ZNF610: variants seen among roughly 807,000 people sequenced by gnomAD.
The protein encoded by ZNF610 is zinc finger protein 610.
ZNF610 carries 14 observed loss-of-function variants against 14.1 expected under a neutral mutation model. That is an observed-to-expected ratio of 0.99 (90% CI 0.65 to 1.55). The LOEUF is 1.55. Among genes scored for constraint, ZNF610 ranks in the 40% most tolerant of loss-of-function variants. The pLI, the probability that ZNF610 is intolerant of heterozygous loss-of-function variation, is 0.00. For synonymous variants in ZNF610, 185 were observed against 187.6 expected, an observed-to-expected ratio of 0.99 and a Z score of 0.11; for missense variants, 530 against 558.0, an observed-to-expected ratio of 0.95 and a Z score of 0.51.
chr19:52,350,671 G>A (rs1448827023), intron 3 of ZNF610, among the ~76,000 whole-genome samples: 1 of 150,926 alleles, frequency 6.6e-6, no homozygotes, highest in African/African-American at 2.4e-5. Context: ...GAGCAAGACT[G>A]TGTCTCAAAA....
At chr19:52,342,856 C>G (rs756544261) in intron 1 of ZNF610, among the ~76,000 whole-genome samples, 1 of 152,126 alleles carries the variant, frequency 6.6e-6, no homozygotes, top group African/African-American at 2.4e-5. Context: ...ACCTTCATGT[C>G]TCCTGAACTG....
At chr19:52,333,510 C>G (rs1047922726), upstream of ZNF610, among the ~76,000 whole-genome samples, 2 of 152,220 alleles carry the variant, frequency 1.3e-5, no homozygotes, top group African/African-American at 4.8e-5. Context: ...CTATGATTCT[C>G]TGCTAAGATT....
At chr19:52,353,658 T>G (rs1246204234) in intron 3 of ZNF610, 24 bp from the exon 4 acceptor site, 1 of 1,612,536 alleles carries the variant, frequency 6.2e-7, no homozygotes, top group Admixed American at 1.7e-5. Context: ...TTTAGTGTTG[T>G]AAACAATGTG....
At chr19:52,331,273 C>A (rs1376183910), upstream of ZNF610, among the ~76,000 whole-genome samples, 1 of 152,182 alleles carries the variant, frequency 6.6e-6, no homozygotes, top group Non-Finnish European at 1.5e-5. Flanking sequence ...GTATACTTAA[C>A]CTTTGTCTAA....
At chr19:52,350,537 G>C (rs934201756) in intron 3 of ZNF610, among the ~76,000 whole-genome samples, 2 of 152,094 alleles carry the variant, frequency 1.3e-5, no homozygotes, top group Non-Finnish European at 2.9e-5. Context: ...AATCAGCAAG[G>C]CTTGGTGGTG....
chr19:52,346,784 C>G (rs1984980945), intron 1 of ZNF610, among the ~76,000 whole-genome samples: 1 of 151,926 alleles, frequency 6.6e-6, no homozygotes, highest in Admixed American at 6.6e-5. Flanking sequence ...GGCTGGAGTA[C>G]AGTGGTGCGG....
chr19:52,367,102 T>TA lies in ZNF610; in HGVS notation c.*338dup, dbSNP rs1330578072. 1 of 227,108 alleles carries TA rather than the reference T, an allele frequency of 4.4e-6. No individual in the cohort carries two copies. The highest frequency in any genetic ancestry group is 2.8e-5 in the African/African-American group (1 of 35,544). 14.1% of individuals were successfully genotyped at this position (227,108 alleles called of 1,614,324 possible). ...TACATACTTCTCATGTTTTAAGTAATAAAGTTTAAAGTTTTTTTTTAGTTT... is the reference window on the plus strand; with the variant it reads ...TACATACTTCTCATGTTTTAAGTAATAAAAGTTTAAAGTTTTTTTTTAGTTT... On this transcript the variant is annotated 3_prime_UTR_variant, in exon 6 of 6. Transcript: ENST00000403906.
intron 5 of ZNF610, among the ~76,000 whole-genome samples, chr19:52,363,068 CAG>C (rs1403376554): frequency 2.0e-5 from 3 of 150,824 alleles, no homozygotes; most frequent in Non-Finnish European, 2.9e-5. Context: ...TGTACAGAGA[CAG>C]AGTGAGGGGG....
chr19:52,335,252 C>G (rs1406690657), upstream of ZNF610, among the ~76,000 whole-genome samples: 2 of 152,116 alleles, frequency 1.3e-5, no homozygotes, highest in African/African-American at 4.8e-5. Context: ...TTGCAGTGAG[C>G]CTGGGTGACA....
chr19:52,336,320 G>T lies in ZNF610; in HGVS notation c.-444G>T. 3.5e-6 allele frequency: 1 copy of T among 288,980 alleles called. No homozygotes were observed. Among genetic ancestry groups the T allele is most frequent in the Non-Finnish European group, 6.5e-6 (1 of 153,448 alleles). The allele number at this position is 288,980 out of a possible 1,614,324, so 17.9% of individuals were successfully genotyped here. On this transcript the variant is annotated 5_prime_UTR_variant, in exon 1 of 6. Coordinates refer to ENST00000403906, the MANE Select transcript of ZNF610 (RefSeq NM_001161425.2). ...TTTCCCTTTGTTTAGATTCAATCTG[G>T]GCTTCCCAGCTCCCCCGCGCTTCTG... is the stretch of plus-strand genomic sequence containing the variant.
Position 52,366,114 on chromosome 19 carries a change from C to T in ZNF610, c.736C>T (p.His246Tyr), listed in dbSNP as rs770329068. 18 of 1,613,270 alleles carry T rather than the reference C, an allele frequency of 1.1e-5. No homozygotes were observed. Among genetic ancestry groups the T allele is most frequent in the South Asian group, 6.6e-5 (6 of 90,988 alleles). ...TGGCAAGGTCTTCAGTCGCAATTCA[C>T]ACCTTGTAGAACATTGGAGAATTCA... ...ECGKVFSRNS[H>Y]LVEHWRIHTG... The change falls in exon 6 of 6, where the codon CAC (histidine) becomes TAC (tyrosine). Residue 246 changes from histidine to tyrosine, a missense_variant. Coordinates refer to ENST00000403906, the MANE Select transcript of ZNF610 (RefSeq NM_001161425.2).
At chr19:52,361,985 A>G (rs761471658) in intron 5 of ZNF610, among the ~76,000 whole-genome samples, 3 of 152,148 alleles carry the variant, frequency 2.0e-5, no homozygotes, top group Non-Finnish European at 4.4e-5. Flanking sequence ...CAGTAGTGCA[A>G]TCATAGCTCA....
chr19:52,351,164 T>C (rs1011849103), intron 3 of ZNF610, among the ~76,000 whole-genome samples: 2 of 151,488 alleles, frequency 1.3e-5, no homozygotes, highest in African/African-American at 4.8e-5. Context: ...GAATTAGAAA[T>C]TAGTCACCTT....
chr19:52,334,935 A>AC (rs1198168860), upstream of ZNF610, among the ~76,000 whole-genome samples: 241 of 142,578 alleles, frequency 1.7e-3, 2 homozygotes, highest in Middle Eastern at 7.1e-3. Context: ...TCTCAAAAAC[A>AC]AACACACACA....
intron 1 of ZNF610, among the ~76,000 whole-genome samples, chr19:52,337,478 T>C (rs572262291): frequency 6.8e-5 from 10 of 147,902 alleles, no homozygotes; most frequent in African/African-American, 2.3e-4. Flanking sequence ...ATTGCCAGAA[T>C]GGAGCAGAAC....
At chr19:52,349,821 G>A (rs141297980) in intron 3 of ZNF610, among the ~76,000 whole-genome samples, 254 of 152,118 alleles carry the variant, frequency 1.7e-3, no homozygotes, top group African/African-American at 4.7e-3. Flanking sequence ...CACCTGCCTC[G>A]GCCTCCCAAA....
rs1027818869 is a variant in ZNF610, at chr19:52,342,741, G to T, written c.-257-4966G>T. 5.9e-5 allele frequency among the ~76,000 whole-genome samples: 9 copies of T among 152,078 alleles called. 1 individual carries two copies. In the East Asian group the frequency reaches 9.7e-4, roughly 16 times the overall value. ...GGGGTTTCACTGTGTTGGTCAGGCTGGTCTTGAACTCCTGACCTCGTGATC... is the reference window on the plus strand; with the variant it reads ...GGGGTTTCACTGTGTTGGTCAGGCTTGTCTTGAACTCCTGACCTCGTGATC... On this transcript the variant is annotated intron_variant, in intron 1 of 5. Transcript: ENST00000403906.
chr19:52,360,755 T>A (rs963511477), intron 5 of ZNF610, among the ~76,000 whole-genome samples: 1 of 152,234 alleles, frequency 6.6e-6, no homozygotes. Flanking sequence ...CAGGAGTGAC[T>A]TTCACATGAT....
chr19:52,363,442 T>C (rs1414159440), intron 5 of ZNF610, among the ~76,000 whole-genome samples: 2 of 152,160 alleles, frequency 1.3e-5, no homozygotes, highest in Non-Finnish European at 2.9e-5. Context: ...CCTTGTTCTA[T>C]CCATTTTTGA....
Sources: allele counts gnomAD v4.1 joint callset (sites outside exome capture counted in the v4.1 genomes callset), GRCh38; gene constraint gnomAD v4.1.1; transcripts MANE v1.5; gene names NCBI Gene and HGNC (gene_info 2026-07-23, HGNC 2026-07-21).